Variants in ARB2A observed in about 807,000 individuals in gnomAD.
ARB2A encodes the protein ARB2 cotranscriptional regulator A, also known as cotranscriptional regulator ARB2A.
the ARB2A span, chr5:93,740,457 C>T: frequency 1.8e-6 from 2 of 1,142,528 alleles, no homozygotes; most frequent in Admixed American, 2.5e-5. Context: ...TCCTTAACTT[C>T]TTTAGACAGT....
chr5:94,064,835 A>C, the ARB2A span, among the ~76,000 whole-genome samples: 1 of 152,236 alleles, frequency 6.6e-6, no homozygotes, highest in Non-Finnish European at 1.5e-5. Context: ...AGAACTGCTT[A>C]AGGGAATCTT....
the ARB2A span, among the ~76,000 whole-genome samples, chr5:93,830,069 A>G: frequency 6.6e-6 from 1 of 151,960 alleles, no homozygotes; most frequent in Non-Finnish European, 1.5e-5. Flanking sequence ...CAGTAATTGT[A>G]GTGGAAAACA....
the ARB2A span, among the ~76,000 whole-genome samples, chr5:93,965,824 T>C: frequency 2.0e-5 from 3 of 152,078 alleles, no homozygotes; most frequent in Non-Finnish European, 2.9e-5. Context: ...ATAGATTCTT[T>C]ATCCTGCTTT....
the ARB2A span, among the ~76,000 whole-genome samples, chr5:94,090,508 C>T: frequency 2.6e-5 from 4 of 152,186 alleles, no homozygotes; most frequent in Admixed American, 6.5e-5. Context: ...TATTTGAATA[C>T]CCTTTATTTA....
At chr5:93,717,237 T>C in the ARB2A span, among the ~76,000 whole-genome samples, 1 of 152,180 alleles carries the variant, frequency 6.6e-6, no homozygotes, top group Non-Finnish European at 1.5e-5. Flanking sequence ...TTACATCGTC[T>C]TTTACTGCTG....
chr5:93,771,111 A>C, the ARB2A span, among the ~76,000 whole-genome samples: 1 of 152,222 alleles, frequency 6.6e-6, no homozygotes, highest in Non-Finnish European at 1.5e-5. Context: ...ACAGAGAAAC[A>C]GATCAATGAA....
the ARB2A span, among the ~76,000 whole-genome samples, chr5:94,101,950 T>A: frequency 6.6e-6 from 1 of 151,636 alleles, no homozygotes; most frequent in Non-Finnish European, 1.5e-5. Context: ...AAATAATTTT[T>A]TAAAAAAAGG....
chr5:93,831,255 A>G, the ARB2A span, among the ~76,000 whole-genome samples: 410 of 150,436 alleles, frequency 2.7e-3, 1 homozygote, highest in African/African-American at 9.6e-3. Flanking sequence ...CTGTTGCCAG[A>G]TCAATCTTTT....
the ARB2A span, among the ~76,000 whole-genome samples, chr5:93,909,091 T>C: frequency 2.0e-5 from 3 of 151,112 alleles, no homozygotes; most frequent in South Asian, 2.1e-4. Context: ...ATAAGAAGTA[T>C]ACCTATAAAT....
chr5:93,734,259 T>G, the ARB2A span: 1 of 152,214 alleles, frequency 6.6e-6, no homozygotes, highest in African/African-American at 2.4e-5. Flanking sequence ...ACAAGACTTA[T>G]GTAAAATGCA....
At chr5:93,659,397 AGACATCATGATGTTGC>A in the ARB2A span, among the ~76,000 whole-genome samples, 1 of 152,134 alleles carries the variant, frequency 6.6e-6, no homozygotes, top group Non-Finnish European at 1.5e-5. Flanking sequence ...TGAGCCACTT[AGACATCATGATGTTGC>A]CCAAATGTGA....
chr5:93,899,818 A>G, the ARB2A span, among the ~76,000 whole-genome samples: 1 of 152,172 alleles, frequency 6.6e-6, no homozygotes, highest in Non-Finnish European at 1.5e-5. Flanking sequence ...CATGCATATA[A>G]TTCTTTACTT....
chr5:93,856,354 C>T, the ARB2A span, among the ~76,000 whole-genome samples: 1 of 152,198 alleles, frequency 6.6e-6, no homozygotes, highest in Non-Finnish European at 1.5e-5. Context: ...GGAAGTTCTC[C>T]TGGATAATAT....
the ARB2A span, among the ~76,000 whole-genome samples, chr5:93,760,392 A>G: frequency 2.6e-5 from 4 of 152,220 alleles, no homozygotes; most frequent in Admixed American, 2.0e-4. Context: ...ACAGAATTAG[A>G]AAAAACAATT....
At chr5:94,020,980 G>A in the ARB2A span, among the ~76,000 whole-genome samples, 25 of 152,038 alleles carry the variant, frequency 1.6e-4, no homozygotes, top group Non-Finnish European at 2.2e-4. Context: ...ACCATGGCAC[G>A]TGTATCCCTA....
chr5:94,095,997 C>G, the ARB2A span, among the ~76,000 whole-genome samples: 1 of 152,210 alleles, frequency 6.6e-6, no homozygotes, highest in African/African-American at 2.4e-5. Context: ...ACATCCTCTA[C>G]CAGCCTGATC....
the ARB2A span, among the ~76,000 whole-genome samples, chr5:94,109,854 C>T: frequency 2.0e-5 from 3 of 151,146 alleles, no homozygotes; most frequent in African/African-American, 7.3e-5. Context: ...TCTCTCTCCC[C>T]TTAATTTATT....
chr5:94,017,268 T>G, the ARB2A span, among the ~76,000 whole-genome samples: 2 of 152,188 alleles, frequency 1.3e-5, no homozygotes, highest in African/African-American at 4.8e-5. Context: ...CTGGATACAG[T>G]ATGCTTAGAT....
the ARB2A span, among the ~76,000 whole-genome samples, chr5:93,988,255 G>T: frequency 6.6e-6 from 1 of 152,120 alleles, no homozygotes; most frequent in Non-Finnish European, 1.5e-5. Context: ...TTTTAAAAAT[G>T]CAAATGTAGT....
Sources: gnomAD v4.1 joint callset for allele counts (sites outside exome capture counted in the v4.1 genomes callset) on GRCh38, gnomAD v4.1.1 for gene constraint, MANE v1.5 for transcripts, NCBI Gene and HGNC (gene_info 2026-07-23, HGNC 2026-07-21) for gene names.